POM121: variants seen among roughly 807,000 people sequenced by gnomAD.
POM121 encodes POM121 transmembrane nucleoporin.
A neutral mutation model predicts 81.3 loss-of-function variants in POM121; 32 were observed. The observed-to-expected ratio is 0.39, with a 90% CI of 0.30 to 0.53. The LOEUF (loss-of-function observed/expected upper bound fraction) is 0.53. Among genes scored for constraint, POM121 ranks in the 20% least tolerant of loss-of-function variants. The pLI, the probability that POM121 is intolerant of heterozygous loss-of-function variation, is 0.66. For synonymous variants in POM121, 514 were observed against 694.2 expected, an observed-to-expected ratio of 0.74 and a Z score of 4.08; for missense variants, 1,138 against 1,614.6, an observed-to-expected ratio of 0.70 and a Z score of 5.06.
At chr7:72,896,682 T>G (rs1290258765) in intron 3 of POM121, among the ~76,000 whole-genome samples, 1 of 148,374 alleles carries the variant, frequency 6.7e-6, no homozygotes, top group Non-Finnish European at 1.5e-5. Context: ...GAAAGAAAAG[T>G]GCTTGAAAAC....
In POM121 at chr7:72,932,696, C is replaced by T. The variant is rs879953795; in HGVS notation, c.1275+2585C>T. ...CGTTGTATGAGAGGGACCATTTCTC[C>T]ATGGCCTCACCAGCAGATTTGGTTA... On this transcript the variant is annotated intron_variant, in intron 5 of 12. Transcript: ENST00000434423. Among the ~76,000 whole-genome samples, 6 of 152,318 alleles carry T rather than the reference C, an allele frequency of 3.9e-5. No individual in the cohort carries two copies. In the South Asian group the frequency reaches 6.2e-4, roughly 16 times the overall value.
In POM121 at chr7:72,925,406, C is replaced by T. The variant is rs1331736659; in HGVS notation, c.285C>T (p.Phe95=). The T allele has an allele frequency of 6.5e-7, 1 of 1,531,836 alleles. No individual in the cohort carries two copies. The highest frequency in any genetic ancestry group is 8.7e-7 in the Non-Finnish European group (1 of 1,145,054). 94.9% of individuals were successfully genotyped at this position (1,531,836 alleles called of 1,614,324 possible). The change falls in exon 1 of 13, where the codon TTC becomes TTT. Residue 95 remains phenylalanine (F), a synonymous_variant. Coordinates refer to ENST00000434423, the MANE Select transcript of POM121 (RefSeq NM_001387691.1). ...GTCATCGGCGCCCCTTGTCCTCCTT[C>T]GTTCGGAAGGCGCGTCATCGGCGAA... ...KARHRRPLSS[F]VRKARHRRTL... is the part of the protein sequence containing the mutation.
At chr7:72,926,571 A>C in intron 2 of POM121, 94 bp downstream of exon 2, 1 of 1,572,780 alleles carries the variant, frequency 6.4e-7, no homozygotes. Flanking sequence ...GCAGAAAAGA[A>C]AGGACGAAGC....
upstream of POM121, among the ~76,000 whole-genome samples, chr7:72,920,627 T>C (rs1462640475): frequency 6.6e-6 from 1 of 152,174 alleles, no homozygotes; most frequent in Non-Finnish European, 1.5e-5. Context: ...GTGCTGGGAT[T>C]ACAGGCGTGA....
intron 3 of POM121, among the ~76,000 whole-genome samples, chr7:72,902,141 C>T (rs1792721797): frequency 6.6e-6 from 1 of 151,496 alleles, no homozygotes. Flanking sequence ...AAACTGTGGA[C>T]AGGATAGTTT....
At chr7:72,914,622 C>T (rs1466825847) in intron 4 of POM121, among the ~76,000 whole-genome samples, 33 of 152,124 alleles carry the variant, frequency 2.2e-4, no homozygotes, top group African/African-American at 7.5e-4. Flanking sequence ...GATCCTCCTA[C>T]CTCAGCCTCC....
chr7:72,908,304 C>T (rs1424894286), intron 3 of POM121, among the ~76,000 whole-genome samples: 10 of 152,198 alleles, frequency 6.6e-5, no homozygotes, highest in South Asian at 4.1e-4. Context: ...CGGCAGGTTC[C>T]GTGATGCCCC....
chr7:72,921,116 G>A (rs113975064), upstream of POM121, among the ~76,000 whole-genome samples: 24 of 152,060 alleles, frequency 1.6e-4, no homozygotes, highest in African/African-American at 5.8e-4. Flanking sequence ...CCTGGGAGGC[G>A]GAGGTTGCAG....
intron 3 of POM121, among the ~76,000 whole-genome samples, chr7:72,908,523 A>G (rs73358388): frequency 0.016 from 2,378 of 152,262 alleles, 71 homozygotes; most frequent in African/African-American, 0.053. Context: ...ACATCAGGAG[A>G]CAGGTTTGAG....
At chr7:72,895,624 A>G (rs1351620455) in intron 3 of POM121, among the ~76,000 whole-genome samples, 2 of 152,220 alleles carry the variant, frequency 1.3e-5, no homozygotes, top group Admixed American at 6.5e-5. Context: ...GCATGGATCT[A>G]AATATATCAT....
intron 5 of POM121, among the ~76,000 whole-genome samples, chr7:72,932,938 G>C (rs1433234055): frequency 6.6e-6 from 1 of 151,704 alleles, no homozygotes; most frequent in Admixed American, 6.6e-5. Context: ...TGTAATCCCA[G>C]CTACTCAGGA....
chr7:72,904,921 G>T (rs782790054), intron 3 of POM121, among the ~76,000 whole-genome samples: 5 of 152,142 alleles, frequency 3.3e-5, no homozygotes, highest in Admixed American at 6.6e-5. Context: ...ATCAGATCTC[G>T]TGAGAACTCC....
At chr7:72,917,611 G>C (rs1432324490) in intron 4 of POM121, among the ~76,000 whole-genome samples, 2 of 152,310 alleles carry the variant, frequency 1.3e-5, no homozygotes, top group East Asian at 3.9e-4. Context: ...AGACCATGTG[G>C]TTTCAACAGC....
chr7:72,881,478 G>A (rs1790152119), intron 1 of POM121, among the ~76,000 whole-genome samples: 1 of 150,622 alleles, frequency 6.6e-6, no homozygotes, highest in African/African-American at 2.4e-5. Context: ...TCAGTGACCT[G>A]CTTCTGCCCC....
At chr7:72,930,172 G>C (rs1337755182) in intron 5 of POM121, 61 bp downstream of exon 5, 60 of 1,532,234 alleles carry the variant, frequency 3.9e-5, no homozygotes, top group Non-Finnish European at 4.5e-5. Flanking sequence ...TCATTGACTA[G>C]GGCCAGACAT....
At chr7:72,892,284 A>G (rs1268841948) in intron 3 of POM121, among the ~76,000 whole-genome samples, 1 of 152,220 alleles carries the variant, frequency 6.6e-6, no homozygotes, top group Non-Finnish European at 1.5e-5. Context: ...ACCTAGTTGA[A>G]TATTTTACTT....
At chr7:72,896,186 A>T (rs1351872717) in intron 3 of POM121, among the ~76,000 whole-genome samples, 1 of 151,110 alleles carries the variant, frequency 6.6e-6, no homozygotes, top group Admixed American at 6.6e-5. Context: ...CCAGTTTAAA[A>T]ATATATATAT....
At chr7:72,883,256 G>A (rs1790344527) in intron 1 of POM121, among the ~76,000 whole-genome samples, 2 of 152,158 alleles carry the variant, frequency 1.3e-5, no homozygotes, top group South Asian at 2.1e-4. Flanking sequence ...CATGCATGTC[G>A]AACTCCTGAG....
chr7:72,929,055 G>A (rs1334705990), intron 4 of POM121, among the ~76,000 whole-genome samples: 2 of 152,204 alleles, frequency 1.3e-5, no homozygotes, highest in East Asian at 1.9e-4. Flanking sequence ...CACTGCGAGG[G>A]AGGATGTACA....
Sources: gnomAD v4.1 joint callset for allele counts (sites outside exome capture counted in the v4.1 genomes callset) on GRCh38, gnomAD v4.1.1 for gene constraint, MANE v1.5 for transcripts, NCBI Gene and HGNC (gene_info 2026-07-23, HGNC 2026-07-21) for gene names.